Variants in ATG16L1 observed in about 807,000 individuals in gnomAD.
ATG16L1 encodes the protein autophagy related 16 like 1, also known as autophagy-related protein 16-1.
A neutral mutation model predicts 88.5 loss-of-function variants in ATG16L1; 37 were observed. The observed-to-expected ratio is 0.42, with a 90% CI of 0.32 to 0.55. The LOEUF is 0.55. Among genes scored for constraint, ATG16L1 ranks in the 20% least tolerant of loss-of-function variants. ATG16L1 has a pLI of 0.13. For synonymous variants in ATG16L1, 301 were observed against 281.0 expected, an observed-to-expected ratio of 1.07 and a Z score of -0.71; for missense variants, 554 against 752.8, an observed-to-expected ratio of 0.74 and a Z score of 3.09.
intron 12 of ATG16L1, among the ~76,000 whole-genome samples, chr2:233,283,592 C>T (rs1698866835): frequency 6.7e-6 from 1 of 148,626 alleles, no homozygotes; most frequent in East Asian, 2.0e-4. Context: ...GAGTTTTGCT[C>T]TTGTGTGGGG....
intron 9 of ATG16L1, chr2:233,275,330 G>A (rs2125253505): frequency 4.5e-6 from 1 of 222,342 alleles, no homozygotes; most frequent in Non-Finnish European, 9.1e-6. Context: ...TAGTTGAGCA[G>A]AAATTGAACC....
rs1199120233 is a variant in ATG16L1, at chr2:233,251,698, C to T, written c.-130C>T. On this transcript the variant is annotated 5_prime_UTR_variant, in exon 1 of 18. Transcript: ENST00000392017. Reference sequence around the variant, plus strand: ...AGACCGTCCCGGATGGCCTCGGGGACTGCCAGTGTGTGGAGGTGAGCTCCG... The same window carrying T: ...AGACCGTCCCGGATGGCCTCGGGGATTGCCAGTGTGTGGAGGTGAGCTCCG... 2 of 779,534 alleles carry T rather than the reference C, an allele frequency of 2.6e-6. No individual in the cohort carries two copies. Among genetic ancestry groups the T allele is most frequent in the East Asian group, 2.9e-5 (1 of 34,808 alleles). 48.3% of individuals were successfully genotyped at this position (779,534 alleles called of 1,614,324 possible).
rs1223606649 is a variant in ATG16L1, at chr2:233,251,918, G to A, written c.91G>A (p.Ala31Thr). The change falls in exon 1 of 18, where the codon GCG (alanine) becomes ACG (threonine). Residue 31 changes from alanine (A) to threonine (T), a missense_variant. Transcript: ENST00000392017. The stretch of plus-strand genomic sequence containing the variant: ...GCGCCGGGACCGGCTGCAGAGACAG[G>A]CGTTCGAGGAGATCATCCTGCAGTG... The part of the protein sequence containing the change: ...LRRRDRLQRQ[A>T]FEEIILQYNK... 6.5e-7 allele frequency: 1 copy of A among 1,549,956 alleles called. No homozygotes were observed. The highest frequency in any genetic ancestry group is 8.7e-7 in the Non-Finnish European group (1 of 1,147,320).
At chr2:233,257,232 T>G (rs1472905871) in intron 2 of ATG16L1, among the ~76,000 whole-genome samples, 1 of 152,124 alleles carries the variant, frequency 6.6e-6, no homozygotes, top group Admixed American at 6.5e-5. Flanking sequence ...GGTTTCACCG[T>G]GTTAGCCAGG....
In ATG16L1 at chr2:233,263,142, T is replaced by A; in HGVS notation, c.222T>A (p.Asp74Glu). 1.2e-6 allele frequency: 2 copies of A among 1,614,112 alleles called. No homozygotes were observed. The highest frequency in any genetic ancestry group is 1.7e-6 in the Non-Finnish European group (2 of 1,180,004). ...PNRHEISPGH[D>E]GTWNDNQLQE... is the part of the protein sequence containing the mutation. ...TTTGCCAATTTAGTCCCGGACATGA[T>A]GGCACATGGAATGACAATCAGCTAC... The change falls in exon 3 of 18, where the codon GAT (aspartate) becomes GAA (glutamate). Residue 74 changes from aspartate (D) to glutamate (E), a missense_variant. Physicochemically the swap from Asp to Glu is conservative, Grantham distance 45. This residue lies in a region of ATG16L1 where 101 missense variants were observed against 107.0 expected (regional missense o/e 0.94). Transcript: ENST00000392017.
At chr2:233,270,175 C>G in intron 6 of ATG16L1, 108 bp downstream of exon 6, 1 of 1,001,232 alleles carries the variant, frequency 1.0e-6, no homozygotes, top group Non-Finnish European at 1.4e-6. Context: ...CAGGGTCTTG[C>G]TCTGTTGCCC....
intron 2 of ATG16L1, among the ~76,000 whole-genome samples, chr2:233,258,678 G>A (rs1404500178): frequency 2.0e-5 from 3 of 152,110 alleles, no homozygotes; most frequent in South Asian, 2.1e-4. Context: ...ATATGCAGCC[G>A]TTCTTTTGGC....
chr2:233,255,018 G>C (rs1055177056), intron 1 of ATG16L1, among the ~76,000 whole-genome samples: 28 of 152,046 alleles, frequency 1.8e-4, no homozygotes, highest in African/African-American at 6.5e-4. Context: ...CTGTCGCCCA[G>C]GCTGGAGTGC....
chr2:233,264,770 G>A (rs746984354), intron 4 of ATG16L1, 122 bp from the exon 5 acceptor site: 5 of 1,302,562 alleles, frequency 3.8e-6, no homozygotes, highest in Non-Finnish European at 5.3e-6. Context: ...TAAACCATGG[G>A]GATGGGCCTG....
At chr2:233,254,969 G>GTTTATTTATTTA (rs36078120) in intron 1 of ATG16L1, among the ~76,000 whole-genome samples, 2 of 150,340 alleles carry the variant, frequency 1.3e-5, no homozygotes, top group African/African-American at 4.9e-5. Context: ...CATTTCATTT[G>GTTTATTTATTTA]TTTATTTATT....
intron 8 of ATG16L1, chr2:233,274,215 G>C (rs552557894): frequency 6.4e-5 from 41 of 638,466 alleles, no homozygotes; most frequent in African/African-American, 4.9e-4. Flanking sequence ...TGAACACTTT[G>C]TACAGTACTC....
At chr2:233,274,920 T>C in intron 9 of ATG16L1, 142 bp downstream of exon 9, 1 of 567,034 alleles carries the variant, frequency 1.8e-6, no homozygotes, top group Non-Finnish European at 3.0e-6. Flanking sequence ...CTCTGTCAGC[T>C]GTGAGAAATT....
chr2:233,257,093 G>A (rs562337238), intron 2 of ATG16L1, among the ~76,000 whole-genome samples: 5 of 151,768 alleles, frequency 3.3e-5, no homozygotes, highest in African/African-American at 4.8e-5. Context: ...GCAGTGGCGC[G>A]TTCTGGGCTC....
chr2:233,275,536 G>C lies in ATG16L1; in HGVS notation c.954+758G>C, dbSNP rs939487810. Reference sequence around the variant, plus strand: ...GTAAAAATGGGATGGAATTTATATGGTGGGAGCTTTGGGTTCCAGGTATAA... The same window carrying C: ...GTAAAAATGGGATGGAATTTATATGCTGGGAGCTTTGGGTTCCAGGTATAA... On this transcript the variant is annotated intron_variant, in intron 9 of 17. Coordinates refer to ENST00000392017, the MANE Select transcript of ATG16L1 (RefSeq NM_030803.7). 9 of 354,290 alleles carry C rather than the reference G, an allele frequency of 2.5e-5. No homozygotes were observed. The Admixed American group carries it at 3.0e-4, about 12-fold the overall frequency. The allele number at this position is 354,290 out of a possible 1,614,324, so 21.9% of individuals were successfully genotyped here. A position where few individuals can be genotyped will look rare whatever the true frequency, so the allele number is the denominator to read the frequency against.
intron 12 of ATG16L1, among the ~76,000 whole-genome samples, chr2:233,284,581 C>T (rs1025308068): frequency 6.6e-6 from 1 of 152,204 alleles, no homozygotes; most frequent in Non-Finnish European, 1.5e-5. Context: ...ATCCACCTGC[C>T]TCAGCCTCCC....
chr2:233,269,890 A>G, intron 5 of ATG16L1, 112 bp from the exon 6 acceptor site: 1 of 1,042,476 alleles, frequency 9.6e-7, no homozygotes, highest in Non-Finnish European at 1.4e-6. Context: ...GGTAGTTGTT[A>G]TTTTACATGC....
chr2:233,270,095 G>A, intron 6 of ATG16L1, 28 bp downstream of exon 6: 1 of 1,536,430 alleles, frequency 6.5e-7, no homozygotes, highest in Admixed American at 2.4e-5. Context: ...AATCAAAACT[G>A]TGTTTCTGAA....
intron 1 of ATG16L1, among the ~76,000 whole-genome samples, chr2:233,252,240 A>G (rs1696425175): frequency 6.6e-6 from 1 of 152,232 alleles, no homozygotes; most frequent in South Asian, 2.1e-4. Context: ...GGTCCCAGAA[A>G]CATCCCATCT....
intron 3 of ATG16L1, 73 bp from the exon 4 acceptor site, chr2:233,263,919 G>T: frequency 7.0e-7 from 1 of 1,431,458 alleles, no homozygotes; most frequent in Non-Finnish European, 9.8e-7. Context: ...AAAATAAATC[G>T]CCACCCACTG....
Sources: gnomAD v4.1 joint callset for allele counts (sites outside exome capture counted in the v4.1 genomes callset) on GRCh38, gnomAD v4.1.1 for gene constraint, gnomAD v4.1.1 regional missense constraint, MANE v1.5 for transcripts, NCBI Gene and HGNC (gene_info 2026-07-23, HGNC 2026-07-21) for gene names.